CNKSR3: variants seen among roughly 807,000 people sequenced by gnomAD.
CNKSR3 encodes connector enhancer of kinase suppressor of ras 3.
Under a neutral mutation model 67.7 loss-of-function variants are expected in CNKSR3, and 36 were observed. That is an observed-to-expected ratio of 0.53 (90% confidence interval 0.41 to 0.70). The LOEUF (loss-of-function observed/expected upper bound fraction) is 0.70. CNKSR3 is among the 30% of genes least tolerant of loss of function. The pLI, the probability that CNKSR3 is intolerant of heterozygous loss-of-function variation, is 0.00. For synonymous variants in CNKSR3, 281 were observed against 271.4 expected, an observed-to-expected ratio of 1.04 and a Z score of -0.35; for missense variants, 630 against 695.2, an observed-to-expected ratio of 0.91 and a Z score of 1.05.
At chr6:154,471,813 C>T (rs1429044769) in intron 1 of CNKSR3, among the ~76,000 whole-genome samples, 1 of 152,040 alleles carries the variant, frequency 6.6e-6, no homozygotes, top group Non-Finnish European at 1.5e-5. Context: ...TTTGAGAGAC[C>T]CTGCCATAAC....
chr6:154,492,016 C>T (rs569848382), intron 1 of CNKSR3, among the ~76,000 whole-genome samples: 1 of 152,304 alleles, frequency 6.6e-6, no homozygotes, highest in African/African-American at 2.4e-5. Flanking sequence ...TGAATTTACT[C>T]ATCAGCTGTG....
chr6:154,422,635 T>A lies in CNKSR3; in HGVS notation c.816A>T (p.Lys272Asn), dbSNP rs749551092. The change falls in exon 9 of 13, where the codon AAA (lysine) becomes AAT (asparagine). Residue 272 changes from lysine to asparagine, a missense_variant. Physicochemically the swap from Lys to Asn is moderately conservative, Grantham distance 94. Around this residue, in one of 3 missense-constraint regions of CNKSR3, gnomAD observed 133 missense variants for 190.6 expected, o/e 0.70. Transcript: ENST00000607772. Reference sequence around the variant, plus strand: ...TCTCTCTCAATTTCTTCACCAGATTTTTCAGCTGCCATCCCACCTTCAAAG... The same window carrying A: ...TCTCTCTCAATTTCTTCACCAGATTATTCAGCTGCCATCCCACCTTCAAAG... ...NQQTVVGWQL[K>N]NLVKKLRENP... 1.7e-5 allele frequency: 27 copies of A among 1,613,416 alleles called. No homozygotes were observed. The highest frequency in any genetic ancestry group is 2.2e-5 in the Non-Finnish European group (26 of 1,180,010).
chr6:154,436,454 C>A (rs192875937), intron 4 of CNKSR3, among the ~76,000 whole-genome samples: 180 of 152,292 alleles, frequency 1.2e-3, no homozygotes, highest in Non-Finnish European at 1.6e-3. Flanking sequence ...AGCCATTGAG[C>A]CTGGCAGGCT....
At chr6:154,419,306 A>G (rs1219399173) in intron 9 of CNKSR3, among the ~76,000 whole-genome samples, 2 of 152,180 alleles carry the variant, frequency 1.3e-5, no homozygotes, top group African/African-American at 2.4e-5. Context: ...TGGACTCTCA[A>G]AGCACTACAA....
At chr6:154,492,332 G>A (rs1052753626) in intron 1 of CNKSR3, among the ~76,000 whole-genome samples, 1 of 147,138 alleles carries the variant, frequency 6.8e-6, no homozygotes, top group Admixed American at 6.6e-5. Flanking sequence ...CTCACTTGGT[G>A]AGGTCATCCA....
chr6:154,466,786 A>ATTT (rs368521995), intron 1 of CNKSR3, among the ~76,000 whole-genome samples: 24 of 137,870 alleles, frequency 1.7e-4, no homozygotes, highest in African/African-American at 2.4e-4. Context: ...CGCCCAGCTA[A>ATTT]TTTTTTTGTT....
rs2128711171 is a variant in CNKSR3 at position 154,410,944 on chromosome 6, T to A, written c.1269A>T (p.Thr423=). The A allele has an allele frequency of 6.2e-7, 1 of 1,611,228 alleles. No homozygotes were observed. Among genetic ancestry groups the A allele is most frequent in the East Asian group, 2.2e-5 (1 of 44,806 alleles). Residue 423 remains threonine (T), a synonymous_variant, in exon 11 of 13, where the codon ACA becomes ACT. Transcript: ENST00000607772. ...NILPTKMREK[T]PSYGKPRPLS... is the part of the protein sequence containing the mutation. The stretch of plus-strand genomic sequence containing the variant: ...ACACTTGAAACTTACCATAAGATGG[T>A]GTTTTCTCTCTCATTTTTGTGGGCA...
At chr6:154,415,389 C>A (rs550044953) in intron 9 of CNKSR3, among the ~76,000 whole-genome samples, 2 of 152,080 alleles carry the variant, frequency 1.3e-5, no homozygotes, top group South Asian at 2.1e-4. Flanking sequence ...TGCCACCACA[C>A]CCAGCTAATT....
At chr6:154,407,872 GAAAAAAAAAAAAAA>G (rs56406534) in intron 12 of CNKSR3, among the ~76,000 whole-genome samples, 1 of 68,662 alleles carries the variant, frequency 1.5e-5, no homozygotes, top group Admixed American at 2.2e-4. Context: ...TTTAGAATTT[GAAAAAAAAAAAAAA>G]AAAAAAAAAC....
chr6:154,450,259 CT>C lies in CNKSR3; in HGVS notation c.53-2del. The C allele has an allele frequency of 6.2e-7, 1 of 1,613,164 alleles. No individual in the cohort carries two copies. On this transcript the variant is annotated splice_acceptor_variant, in intron 1 of 12. Coordinates refer to ENST00000607772, the MANE Select transcript of CNKSR3 (RefSeq NM_173515.4). LOFTEE classifies it high-confidence loss of function. ...TATTGTTGCAGGCAGTCATCCAACCCTGCCAAAAACAATCAGAAGTCCCATT... is the reference window on the plus strand; with the variant it reads ...TATTGTTGCAGGCAGTCATCCAACCCGCCAAAAACAATCAGAAGTCCCATT...
intron 9 of CNKSR3, among the ~76,000 whole-genome samples, chr6:154,418,775 T>A (rs1208869484): frequency 2.0e-5 from 3 of 152,274 alleles, no homozygotes; most frequent in Non-Finnish European, 2.9e-5. Flanking sequence ...TGGCTCTGAC[T>A]GCAAAAGCAC....
chr6:154,428,008 G>T (rs998138067), intron 7 of CNKSR3, 120 bp downstream of exon 7: 5 of 674,572 alleles, frequency 7.4e-6, no homozygotes, highest in African/African-American at 7.1e-5. Flanking sequence ...AACAAAGCAG[G>T]TACCCACGCT....
intron 7 of CNKSR3, among the ~76,000 whole-genome samples, chr6:154,426,172 A>G (rs2128714538): frequency 6.6e-6 from 1 of 152,284 alleles, no homozygotes; most frequent in African/African-American, 2.4e-5. Flanking sequence ...ACAAGATGGT[A>G]GCCACCACTC....
At chr6:154,472,293 C>T (rs1786346764) in intron 1 of CNKSR3, among the ~76,000 whole-genome samples, 2 of 152,152 alleles carry the variant, frequency 1.3e-5, no homozygotes, top group African/African-American at 2.4e-5. Flanking sequence ...TATTTGGATG[C>T]CTCCAGATTT....
At chr6:154,436,567 G>C (rs1785476441) in intron 4 of CNKSR3, among the ~76,000 whole-genome samples, 1 of 152,040 alleles carries the variant, frequency 6.6e-6, no homozygotes, top group South Asian at 2.1e-4. Context: ...TGCCCAGGCT[G>C]GTCTCAAACT....
chr6:154,414,029 G>A (rs11970455), intron 10 of CNKSR3, among the ~76,000 whole-genome samples: 13,665 of 152,062 alleles, frequency 0.09, 1,038 homozygotes, highest in African/African-American at 0.2. Context: ...GATTACAGGT[G>A]TGAGCGACCA....
chr6:154,456,975 C>A (rs1785973778), intron 1 of CNKSR3, among the ~76,000 whole-genome samples: 1 of 152,060 alleles, frequency 6.6e-6, no homozygotes. Context: ...TTGGGGGGTA[C>A]ATTTACACCT....
chr6:154,447,278 T>C (rs112281970), intron 2 of CNKSR3, among the ~76,000 whole-genome samples: 22 of 152,324 alleles, frequency 1.4e-4, no homozygotes, highest in African/African-American at 4.8e-4. Flanking sequence ...TTCTGAGTAC[T>C]TGAAGTGTTG....
At chr6:154,438,980 G>A (rs1329833621) in intron 4 of CNKSR3, among the ~76,000 whole-genome samples, 3 of 151,996 alleles carry the variant, frequency 2.0e-5, no homozygotes, top group Non-Finnish European at 4.4e-5. Flanking sequence ...CATAACGATC[G>A]ACCCCTCTCT....
Sources: allele counts gnomAD v4.1 joint callset (sites outside exome capture counted in the v4.1 genomes callset), GRCh38; gene constraint gnomAD v4.1.1; regional missense constraint gnomAD v4.1.1; transcripts MANE v1.5; gene names NCBI Gene and HGNC (gene_info 2026-07-23, HGNC 2026-07-21).